Variants in DOCK7 observed in about 807,000 individuals in gnomAD.
The protein encoded by DOCK7 is dedicator of cytokinesis protein 7.
In DOCK7, 138 loss-of-function variants were observed where a neutral mutation model predicts 271.0. The observed-to-expected ratio is 0.51, with a 90% CI of 0.44 to 0.59. DOCK7 has a LOEUF of 0.59. Among genes scored for constraint, DOCK7 ranks in the 20% least tolerant of loss-of-function variants. DOCK7 has a pLI of 0.00. For synonymous variants in DOCK7, 823 were observed against 876.1 expected, an observed-to-expected ratio of 0.94 and a Z score of 1.07; for missense variants, 2,066 against 2,592.4, an observed-to-expected ratio of 0.80 and a Z score of 4.41.
intron 14 of DOCK7, among the ~76,000 whole-genome samples, chr1:62,617,725 GTTTC>G (rs1202310864): frequency 6.6e-6 from 1 of 151,756 alleles, no homozygotes; most frequent in Non-Finnish European, 1.5e-5. Flanking sequence ...AACTTTACCT[GTTTC>G]TTTTTTTTAA....
intron 21 of DOCK7, among the ~76,000 whole-genome samples, chr1:62,554,697 A>C (rs1417431652): frequency 6.6e-6 from 1 of 152,200 alleles, no homozygotes; most frequent in East Asian, 1.9e-4. Flanking sequence ...CATGTAAAAA[A>C]AAGATGCTTT....
At chr1:62,487,595 G>A (rs552634311) in intron 42 of DOCK7, 183 bp from the exon 43 acceptor site, 12 of 506,082 alleles carry the variant, frequency 2.4e-5, no homozygotes, top group South Asian at 7.6e-5. Context: ...TCAAAACCCA[G>A]TGGCTAAAAT....
At chr1:62,577,924 T>C (rs1030315806) in intron 17 of DOCK7, among the ~76,000 whole-genome samples, 1 of 152,006 alleles carries the variant, frequency 6.6e-6, no homozygotes, top group African/African-American at 2.4e-5. Context: ...ATAGTAATTT[T>C]TTTTTTCTTT....
Position 62,543,651 on chromosome 1 carries a change from T to C in DOCK7, c.2949+5A>G, listed in dbSNP as rs1571475628. 6.3e-7 allele frequency: 1 copy of C among 1,595,446 alleles called. No homozygotes were observed. The highest frequency in any genetic ancestry group is 2.2e-5 in the East Asian group (1 of 44,566). ...CCTCTATGAATTGTCTTCATATGAA[T>C]CTACCTTTTTAGTTGGTAAGCGTCC... On this transcript the variant is annotated splice_donor_5th_base_variant and intron_variant, in intron 24 of 49. Coordinates refer to ENST00000635253, the MANE Select transcript of DOCK7 (RefSeq NM_001367561.1).
At chr1:62,581,784 A>G (rs1267386511) in intron 16 of DOCK7, among the ~76,000 whole-genome samples, 2 of 152,198 alleles carry the variant, frequency 1.3e-5, no homozygotes, top group Non-Finnish European at 2.9e-5. Context: ...GGTAGAAGGA[A>G]GCTCAAGACA....
intron 29 of DOCK7, among the ~76,000 whole-genome samples, chr1:62,531,511 G>C (rs1286808890): frequency 6.6e-6 from 1 of 152,084 alleles, no homozygotes; most frequent in Admixed American, 6.5e-5. Context: ...CTACAATTAA[G>C]GAACATAAAT....
intron 10 of DOCK7, among the ~76,000 whole-genome samples, chr1:62,632,319 T>C (rs1654725309): frequency 6.6e-6 from 1 of 152,220 alleles, no homozygotes; most frequent in African/African-American, 2.4e-5. Context: ...AAGCTGCTAG[T>C]ATATTTAAGA....
At chr1:62,584,601 A>G in intron 15 of DOCK7, 1 of 1,262,064 alleles carries the variant, frequency 7.9e-7, no homozygotes, top group Non-Finnish European at 1.0e-6. Context: ...GACATAAAGC[A>G]GACAGTGTTC....
chr1:62,573,435 G>T (rs998643815), intron 18 of DOCK7, among the ~76,000 whole-genome samples: 1 of 152,136 alleles, frequency 6.6e-6, no homozygotes, highest in Non-Finnish European at 1.5e-5. Flanking sequence ...GCAATAGAAT[G>T]AAACCACCTA....
intron 43 of DOCK7, chr1:62,486,602 T>C (rs1646300925): frequency 6.6e-6 from 1 of 152,130 alleles, no homozygotes; most frequent in Non-Finnish European, 1.5e-5. Flanking sequence ...TATTTACATA[T>C]AACTTTTTGT....
chr1:62,546,754 A>C (rs564694875), intron 22 of DOCK7, among the ~76,000 whole-genome samples: 127 of 152,256 alleles, frequency 8.3e-4, no homozygotes, highest in Non-Finnish European at 1.5e-3. Context: ...GTTTAAAATA[A>C]AATATCTGCC....
At chr1:62,602,328 A>G (rs756694873) in intron 14 of DOCK7, 1 of 1,611,030 alleles carries the variant, frequency 6.2e-7, no homozygotes, top group South Asian at 1.1e-5. Flanking sequence ...ATGGATCACA[A>G]AACTTCAATG....
intron 18 of DOCK7, among the ~76,000 whole-genome samples, chr1:62,568,305 A>ATTT: frequency 6.9e-6 from 1 of 144,166 alleles, no homozygotes; most frequent in Non-Finnish European, 1.5e-5. Flanking sequence ...AGCTAGAAAG[A>ATTT]TTTTTTTTTT....
chr1:62,672,538 T>G (rs1321489103), intron 1 of DOCK7, among the ~76,000 whole-genome samples: 2 of 152,126 alleles, frequency 1.3e-5, no homozygotes, highest in African/African-American at 2.4e-5. Flanking sequence ...GTCCCTGGTA[T>G]GGATAAACAA....
chr1:62,460,063 A>G (rs984003631), intron 48 of DOCK7, among the ~76,000 whole-genome samples: 21 of 143,494 alleles, frequency 1.5e-4, no homozygotes, highest in Admixed American at 3.0e-4. Context: ...TTTCGCCACT[A>G]CACTCCAGCC....
At position 62,505,825 on chromosome 1, in the gene DOCK7, T is replaced by C. The variant is rs1455526149; in HGVS notation, c.4477-9A>G. 6.2e-7 allele frequency: 1 copy of C among 1,607,898 alleles called. No individual in the cohort carries two copies. The highest frequency in any genetic ancestry group is 8.5e-7 in the Non-Finnish European group (1 of 1,177,842). ...TCCGTTACAGAAACGGTCTGCAATT[T>C]AAAAATAAACAAATAAAATAGAGAT... On this transcript the variant is annotated splice_polypyrimidine_tract_variant and intron_variant, in intron 35 of 49. Transcript: ENST00000635253.
intron 21 of DOCK7, among the ~76,000 whole-genome samples, chr1:62,554,944 G>A (rs960679760): frequency 9.2e-5 from 14 of 152,162 alleles, no homozygotes; most frequent in Admixed American, 6.5e-5. Flanking sequence ...TGTTCATAAC[G>A]AACGTCACAA....
In DOCK7 at chr1:62,654,114, G is replaced by C; in HGVS notation, c.190C>G (p.Leu64Val). 2 of 1,613,950 alleles carry C rather than the reference G, an allele frequency of 1.2e-6. No homozygotes were observed. The highest frequency in any genetic ancestry group is 1.7e-6 in the Non-Finnish European group (2 of 1,179,922). ...AVDPVDLEDY[L>V]ITHPLAVDSG... ...TCCACAGCCAAAGGATGAGTAATGA[G>C]GTAATCTTCCAAATCCACTGGATCT... Residue 64 changes from leucine to valine, a missense_variant, in exon 3 of 50, where the codon CTC becomes GTC. Coordinates refer to ENST00000635253, the MANE Select transcript of DOCK7 (RefSeq NM_001367561.1).
intron 4 of DOCK7, among the ~76,000 whole-genome samples, chr1:62,649,258 A>G (rs957952909): frequency 6.6e-6 from 1 of 152,188 alleles, no homozygotes; most frequent in African/African-American, 2.4e-5. Context: ...TTTTAGTTGA[A>G]GCAAAACAAT....
Sources: gnomAD v4.1 joint callset for allele counts (sites outside exome capture counted in the v4.1 genomes callset) on GRCh38, gnomAD v4.1.1 for gene constraint, MANE v1.5 for transcripts, NCBI Gene and HGNC (gene_info 2026-07-23, HGNC 2026-07-21) for gene names.